PTPRD: variants seen among roughly 807,000 people sequenced by gnomAD.
PTPRD encodes receptor-type tyrosine-protein phosphatase delta.
A neutral mutation model predicts 214.5 loss-of-function variants in PTPRD; 34 were observed. The observed-to-expected ratio is 0.16, with a 90% CI of 0.12 to 0.21. The LOEUF is 0.21. PTPRD is among the 10% of genes least tolerant of loss of function. The probability of loss-of-function intolerance (pLI) is 1.00; values close to 1 mark genes in which losing one functional copy is unlikely to be tolerated. For synonymous variants in PTPRD, 1,128 were observed against 845.7 expected (o/e 1.33, Z -5.79); for missense variants, 2,545 against 2,398.7 (o/e 1.06, Z -1.27).
At chr9:9,247,304 T>A (rs899564187) in intron 9 of PTPRD, among the ~76,000 whole-genome samples, 2 of 152,184 alleles carry the variant, frequency 1.3e-5, no homozygotes, top group Non-Finnish European at 2.9e-5. Context: ...TACTATTAGA[T>A]CATTCCATTT....
intron 10 of PTPRD, among the ~76,000 whole-genome samples, chr9:9,084,602 G>A (rs539477716): frequency 3.7e-4 from 57 of 152,200 alleles, no homozygotes; most frequent in African/African-American, 1.3e-3. Context: ...CAAAGTCAAT[G>A]TATTTAAAGG....
intron 39 of PTPRD, among the ~76,000 whole-genome samples, chr9:8,353,747 G>A (rs1343352302): frequency 2.0e-5 from 3 of 151,260 alleles, no homozygotes; most frequent in Non-Finnish European, 4.4e-5. Context: ...ACTGCCCATT[G>A]CCTCTTCTAA....
At chr9:9,783,876 G>A (rs1312701395) in intron 5 of PTPRD, among the ~76,000 whole-genome samples, 1 of 145,016 alleles carries the variant, frequency 6.9e-6, no homozygotes, top group Non-Finnish European at 1.5e-5. Context: ...ATGAACCACA[G>A]TACTTATCAG....
rs114671894 is a variant in PTPRD at position 10,413,272 on chromosome 9, A to C, written c.-599-72255T>G. ...CAACTTCAGCTAAGTCTCAGGATAT[A>C]AAATCAATGTACAAAAGTCAATAGT... On this transcript the variant is annotated intron_variant, in intron 2 of 45. Coordinates refer to ENST00000381196, the MANE Select transcript of PTPRD (RefSeq NM_002839.4). 9.5e-3 allele frequency among the ~76,000 whole-genome samples: 1,449 copies of C among 152,064 alleles called. 19 individuals carry two copies. The highest frequency in any genetic ancestry group is 0.034 in the African/African-American group (1,394 of 41,528).
intron 29 of PTPRD, 131 bp from the exon 30 acceptor site, chr9:8,484,509 C>A (rs2096955505): frequency 1.2e-6 from 1 of 860,848 alleles, no homozygotes; most frequent in Non-Finnish European, 1.7e-6. Flanking sequence ...TTTCTAAGTC[C>A]ATGAGTAGTC....
intron 3 of PTPRD, among the ~76,000 whole-genome samples, chr9:10,124,366 G>A (rs989467479): frequency 6.6e-6 from 1 of 152,156 alleles, no homozygotes; most frequent in Non-Finnish European, 1.5e-5. Context: ...GCTCCTGAAA[G>A]TAAAGTACAC....
intron 14 of PTPRD, among the ~76,000 whole-genome samples, chr9:8,547,160 G>A (rs897416989): frequency 6.6e-6 from 1 of 152,116 alleles, no homozygotes; most frequent in African/African-American, 2.4e-5. Context: ...CAAAAGTGAT[G>A]ATCTGAAAGA....
intron 8 of PTPRD, among the ~76,000 whole-genome samples, chr9:9,570,628 C>A (rs1334244364): frequency 6.6e-6 from 1 of 151,480 alleles, no homozygotes; most frequent in Non-Finnish European, 1.5e-5. Context: ...GTCTTAGAAC[C>A]AATCTTCAAG....
chr9:8,410,730 G>C (rs1414619120), intron 35 of PTPRD, among the ~76,000 whole-genome samples: 1 of 152,138 alleles, frequency 6.6e-6, no homozygotes, highest in Non-Finnish European at 1.5e-5. Flanking sequence ...CTTCAGATAA[G>C]TGATAAAATG....
intron 11 of PTPRD, among the ~76,000 whole-genome samples, chr9:8,822,289 C>A (rs1025139692): frequency 6.6e-6 from 1 of 152,036 alleles, no homozygotes; most frequent in African/African-American, 2.4e-5. Flanking sequence ...GTAATGTCTG[C>A]CTTAGAAAGG....
chr9:8,449,583 C>G, intron 34 of PTPRD, 142 bp downstream of exon 34: 1 of 712,830 alleles, frequency 1.4e-6, no homozygotes, highest in East Asian at 2.8e-5. Flanking sequence ...TTTGCTTGGG[C>G]AAGTCTCCAT....
At chr9:10,176,976 G>A (rs2099252384) in intron 3 of PTPRD, among the ~76,000 whole-genome samples, 1 of 151,888 alleles carries the variant, frequency 6.6e-6, no homozygotes, top group Non-Finnish European at 1.5e-5. Context: ...CAGTGTTGTT[G>A]ATGTTTGTTT....
At chr9:9,231,423 A>G (rs2099963025) in intron 9 of PTPRD, among the ~76,000 whole-genome samples, 1 of 152,170 alleles carries the variant, frequency 6.6e-6, no homozygotes, top group African/African-American at 2.4e-5. Context: ...ACAAGTGGAA[A>G]TCCTGGAACT....
chr9:9,542,493 C>A (rs1226049876), intron 8 of PTPRD, among the ~76,000 whole-genome samples: 1 of 151,472 alleles, frequency 6.6e-6, no homozygotes, highest in African/African-American at 2.4e-5. Flanking sequence ...GCCAAATCAT[C>A]AAAAGATATC....
intron 14 of PTPRD, among the ~76,000 whole-genome samples, chr9:8,626,179 A>G (rs2096025807): frequency 6.6e-6 from 1 of 151,886 alleles, no homozygotes; most frequent in Admixed American, 6.6e-5. Flanking sequence ...ATTTTTAAAA[A>G]CTGCTCAAAT....
intron 11 of PTPRD, among the ~76,000 whole-genome samples, chr9:8,996,311 A>G (rs961907793): frequency 5.9e-5 from 9 of 152,226 alleles, no homozygotes; most frequent in African/African-American, 2.2e-4. Flanking sequence ...TGAACTACTG[A>G]TACACACAAC....
intron 34 of PTPRD, among the ~76,000 whole-genome samples, chr9:8,441,056 T>A: frequency 6.6e-6 from 1 of 152,200 alleles, no homozygotes; most frequent in East Asian, 1.9e-4. Flanking sequence ...ACAGATGGAA[T>A]GGGCTAGGCT....
chr9:9,003,248 T>C lies in PTPRD; in HGVS notation c.-104+15449A>G, dbSNP rs57310138. Among the ~76,000 whole-genome samples the C allele has an allele frequency of 1.4e-3, 211 of 152,146 alleles. 1 individual carries two copies. Among genetic ancestry groups the C allele is most frequent in the African/African-American group, 4.7e-3 (195 of 41,538 alleles). On this transcript the variant is annotated intron_variant, in intron 11 of 45. Transcript: ENST00000381196. ...AGTAAGACAGTGTGGTTCTGGATTC[T>C]GGTTCCTTCAGTTTTTCCTCTATTG...
intron 2 of PTPRD, among the ~76,000 whole-genome samples, chr9:10,346,513 GT>G (rs1183725875): frequency 6.6e-6 from 1 of 152,166 alleles, no homozygotes; most frequent in African/African-American, 2.4e-5. Context: ...ATGTGCTATA[GT>G]TTCATAAGAT....
Sources: allele counts gnomAD v4.1 joint callset (sites outside exome capture counted in the v4.1 genomes callset), GRCh38; gene constraint gnomAD v4.1.1; transcripts MANE v1.5; gene names NCBI Gene and HGNC (gene_info 2026-07-23, HGNC 2026-07-21).